The following ITPR1 variants were observed in gnomAD, a reference collection of about 807,000 sequenced individuals.
ITPR1 encodes inositol 1,4,5-trisphosphate-gated calcium channel ITPR1.
In ITPR1, 96 loss-of-function variants were observed where a neutral mutation model predicts 318.4. That is an observed-to-expected ratio of 0.30 (90% CI 0.26 to 0.36). The LOEUF (loss-of-function observed/expected upper bound fraction) is 0.36, where lower values mean the gene tolerates loss of function less well. ITPR1 is among the 10% of genes least tolerant of loss of function. ITPR1 has a pLI of 1.00. For missense variants in ITPR1, 2,440 were observed against 3,460.2 expected (o/e 0.71, Z 7.40); for synonymous variants, 1,312 against 1,289.9 (o/e 1.02, Z -0.37).
chr3:4,643,052 A>G (rs2093373930), intron 7 of ITPR1, among the ~76,000 whole-genome samples: 2 of 152,238 alleles, frequency 1.3e-5, no homozygotes, highest in Admixed American at 6.5e-5. Flanking sequence ...AGCTTTGGGA[A>G]GTTTAAATAT....
At position 4,583,981 on chromosome 3, in the gene ITPR1, G is replaced by A. The variant is rs559832599; in HGVS notation, c.164-43782G>A. Among the ~76,000 whole-genome samples the A allele has an allele frequency of 7.2e-5, 11 of 152,208 alleles. No homozygotes were observed. In the East Asian group the frequency reaches 1.3e-3, roughly 19 times the overall value. On this transcript the variant is annotated intron_variant, in intron 4 of 61. Coordinates refer to ENST00000649015, the MANE Select transcript of ITPR1 (RefSeq NM_001378452.1). Reference sequence around the variant, plus strand: ...GGCCTGGAATGGGCATGGCTTTCTCGCTTTTCCCAGGGTCTTGGTATTTAG... The same window carrying A: ...GGCCTGGAATGGGCATGGCTTTCTCACTTTTCCCAGGGTCTTGGTATTTAG...
At chr3:4,840,855 C>T (rs996639197) in intron 61 of ITPR1, among the ~76,000 whole-genome samples, 1 of 152,136 alleles carries the variant, frequency 6.6e-6, no homozygotes, top group South Asian at 2.1e-4. Context: ...TGCAAAAGAG[C>T]AAATACTAAG....
At chr3:4,526,614 G>A (rs2082998831) in intron 4 of ITPR1, among the ~76,000 whole-genome samples, 1 of 152,190 alleles carries the variant, frequency 6.6e-6, no homozygotes, top group South Asian at 2.1e-4. Context: ...CATTTATTTT[G>A]TGCAAAGCAC....
chr3:4,503,308 A>T (rs981775511), intron 2 of ITPR1, among the ~76,000 whole-genome samples: 2 of 152,178 alleles, frequency 1.3e-5, no homozygotes, highest in Non-Finnish European at 2.9e-5. Flanking sequence ...CTGGTGAGCC[A>T]CAGGATGGGG....
chr3:4,767,186 G>A (rs1363887887), intron 45 of ITPR1, among the ~76,000 whole-genome samples: 1 of 152,228 alleles, frequency 6.6e-6, no homozygotes, highest in Non-Finnish European at 1.5e-5. Flanking sequence ...AGAAAGTTAA[G>A]CATGCTGAGC....
At chr3:4,526,358 C>A (rs1432161612) in intron 4 of ITPR1, among the ~76,000 whole-genome samples, 1 of 152,170 alleles carries the variant, frequency 6.6e-6, no homozygotes, top group Admixed American at 6.5e-5. Flanking sequence ...TGTGGATGTT[C>A]CAGATAAGTA....
chr3:4,797,911 C>CT (rs1208375210), intron 53 of ITPR1, among the ~76,000 whole-genome samples: 2 of 152,222 alleles, frequency 1.3e-5, no homozygotes, highest in African/African-American at 4.8e-5. Context: ...ATTATCATAT[C>CT]TAACAAAACT....
Position 4,565,288 on chromosome 3 carries a change from A to C in ITPR1, c.163+44194A>C, listed in dbSNP as rs887005684. 2.9e-4 allele frequency among the ~76,000 whole-genome samples: 44 copies of C among 152,300 alleles called. 1 individual carries two copies. The highest frequency in any genetic ancestry group is 1.0e-3 in the African/African-American group (43 of 41,558). ...ATGATTTTTCTTACTGCTAGAGTTG[A>C]TAGAATAGTCACAGCCACTAGCACT... On this transcript the variant is annotated intron_variant, in intron 4 of 61. Coordinates refer to ENST00000649015, the MANE Select transcript of ITPR1 (RefSeq NM_001378452.1).
At chr3:4,702,718 T>C in intron 35 of ITPR1, 112 bp from the exon 36 acceptor site, 1 of 1,162,330 alleles carries the variant, frequency 8.6e-7, no homozygotes, top group Admixed American at 2.1e-5. Context: ...GCAGTGTCTG[T>C]CTCTGATCTG....
intron 60 of ITPR1, among the ~76,000 whole-genome samples, chr3:4,833,355 G>A (rs1026363223): frequency 6.6e-5 from 10 of 152,162 alleles, no homozygotes; most frequent in Non-Finnish European, 1.0e-4. Context: ...GTTTTCTGGA[G>A]TCTTTCGAAG....
In ITPR1 at chr3:4,702,949, A is replaced by G. The variant is rs2094686455; in HGVS notation, c.4656A>G (p.Val1552=). The G allele has an allele frequency of 4.3e-6, 7 of 1,613,500 alleles. No homozygotes were observed. Among genetic ancestry groups the G allele is most frequent in the South Asian group, 3.3e-5 (3 of 91,062 alleles). ...VESCIRVLSD[V]AKSRAIAIPV... ...GCTGTATTCGGGTGCTGTCTGATGT[A>G]GGTAAGATACCAAGTCAGTTTGGAT... is the stretch of plus-strand genomic sequence containing the variant. Residue 1552 remains valine (V), a splice_region_variant and synonymous_variant, in exon 36 of 62, where the codon GTA becomes GTG. Coordinates refer to ENST00000649015, the MANE Select transcript of ITPR1 (RefSeq NM_001378452.1).
intron 42 of ITPR1, among the ~76,000 whole-genome samples, chr3:4,727,594 G>C (rs1184723957): frequency 6.6e-6 from 1 of 152,138 alleles, no homozygotes; most frequent in East Asian, 1.9e-4. Context: ...TGGTTTTTTA[G>C]AGACAGATAT....
At position 4,837,155 on chromosome 3, in the gene ITPR1, T is replaced by C. The variant is rs10865951; in HGVS notation, c.8190+220T>C. On this transcript the variant is annotated intron_variant, in intron 61 of 61. Coordinates refer to ENST00000649015, the MANE Select transcript of ITPR1 (RefSeq NM_001378452.1). Reference sequence around the variant, plus strand: ...AAAGCCATGGTGCTACTTTCAGTGCTGCTCAGGACATGGTTTTAATATGAA... The same window carrying C: ...AAAGCCATGGTGCTACTTTCAGTGCCGCTCAGGACATGGTTTTAATATGAA... 0.89 allele frequency among the ~76,000 whole-genome samples: 135,199 copies of C among 152,012 alleles called. 62,216 individuals carry two copies. Among genetic ancestry groups the C allele is most frequent in the East Asian group, 1 (5,174 of 5,176 alleles).
chr3:4,637,677 C>T (rs1178951352), intron 5 of ITPR1, among the ~76,000 whole-genome samples: 3 of 152,156 alleles, frequency 2.0e-5, no homozygotes, highest in Non-Finnish European at 4.4e-5. Flanking sequence ...GGTCAACTTG[C>T]AGTGATCTAT....
intron 52 of ITPR1, among the ~76,000 whole-genome samples, chr3:4,794,324 C>T (rs1265894687): frequency 6.6e-6 from 1 of 152,212 alleles, no homozygotes; most frequent in Admixed American, 6.5e-5. Flanking sequence ...ATGTCCAAAG[C>T]GTCTCTGTCT....
intron 30 of ITPR1, among the ~76,000 whole-genome samples, chr3:4,685,599 G>A (rs1559692984): frequency 6.6e-6 from 1 of 152,230 alleles, no homozygotes; most frequent in African/African-American, 2.4e-5. Flanking sequence ...GTAGGAACAT[G>A]GGATGTGCCC....
intron 61 of ITPR1, among the ~76,000 whole-genome samples, chr3:4,839,567 A>T (rs191893146): frequency 0.014 from 2,131 of 151,842 alleles, 32 homozygotes; most frequent in African/African-American, 0.037. Context: ...CTCTTTTTTT[A>T]AAAAAAAGCT....
chr3:4,723,332 G>A (rs761309117), intron 40 of ITPR1, among the ~76,000 whole-genome samples: 25 of 152,162 alleles, frequency 1.6e-4, no homozygotes, highest in East Asian at 1.2e-3. Flanking sequence ...TCTATTCCAC[G>A]AAGGGATCAC....
rs118073229 is a variant in ITPR1, at chr3:4,714,105, T to C, written c.5103+2237T>C. Among the ~76,000 whole-genome samples the C allele has an allele frequency of 4.0e-4, 61 of 152,366 alleles. 1 individual carries two copies. In the East Asian group the frequency reaches 0.01, roughly 26 times the overall value. Reference sequence around the variant, plus strand: ...CTGGTATTCACTTTGTCTGTCTCACTAAGGCTTTTTGAAGATGCTTTTTGA... The same window carrying C: ...CTGGTATTCACTTTGTCTGTCTCACCAAGGCTTTTTGAAGATGCTTTTTGA... On this transcript the variant is annotated intron_variant, in intron 39 of 61. Transcript: ENST00000649015.
Sources: gnomAD v4.1 joint callset for allele counts (sites outside exome capture counted in the v4.1 genomes callset) on GRCh38, gnomAD v4.1.1 for gene constraint, MANE v1.5 for transcripts, NCBI Gene and HGNC (gene_info 2026-07-23, HGNC 2026-07-21) for gene names.